Variants in MAD1L1 observed in about 807,000 individuals in gnomAD.
MAD1L1 encodes the protein mitotic spindle assembly checkpoint protein MAD1.
MAD1L1 carries 95 observed loss-of-function variants against 96.9 expected under a neutral mutation model. That is an observed-to-expected ratio of 0.98 (90% CI 0.83 to 1.16). The LOEUF is 1.16. Ranked by LOEUF, MAD1L1 falls within the 50% of genes most tolerant of loss-of-function variation. The probability of loss-of-function intolerance (pLI) is 0.00; values close to 1 mark genes in which losing one functional copy is unlikely to be tolerated. For missense variants in MAD1L1, 1,007 were observed against 954.4 expected (o/e 1.06, Z -0.73); for synonymous variants, 473 against 396.6 (o/e 1.19, Z -2.29).
intron 14 of MAD1L1, among the ~76,000 whole-genome samples, chr7:1,984,986 T>C (rs1395140474): frequency 6.6e-6 from 1 of 152,230 alleles, no homozygotes; most frequent in Non-Finnish European, 1.5e-5. Flanking sequence ...ACTTTCCTAC[T>C]AGACAGTACC....
intron 10 of MAD1L1, among the ~76,000 whole-genome samples, chr7:2,207,073 G>A (rs1489655713): frequency 4.5e-5 from 6 of 134,194 alleles, no homozygotes; most frequent in South Asian, 2.4e-4. Context: ...GTAAGATTCC[G>A]TCTCAAAAAA....
chr7:2,224,062 C>T (rs182065191), intron 4 of MAD1L1, among the ~76,000 whole-genome samples: 44 of 152,282 alleles, frequency 2.9e-4, no homozygotes, highest in Admixed American at 8.5e-4. Flanking sequence ...ACAATGACCC[C>T]TCCCTCAATC....
At chr7:1,974,503 A>G (rs1424700180) in intron 15 of MAD1L1, among the ~76,000 whole-genome samples, 2 of 152,216 alleles carry the variant, frequency 1.3e-5, no homozygotes, top group Non-Finnish European at 2.9e-5. Flanking sequence ...TTTATACATA[A>G]AAGAATCCTC....
intron 6 of MAD1L1, among the ~76,000 whole-genome samples, chr7:2,219,048 A>G (rs1004464147): frequency 6.6e-5 from 10 of 152,150 alleles, no homozygotes; most frequent in African/African-American, 2.2e-4. Flanking sequence ...CGACAGAGTG[A>G]GACCCTGTCT....
intron 12 of MAD1L1, among the ~76,000 whole-genome samples, chr7:2,018,827 C>A (rs1782656602): frequency 1.3e-5 from 2 of 152,114 alleles, no homozygotes; most frequent in Admixed American, 1.3e-4. Flanking sequence ...CCTCCCTCCG[C>A]CCCCTCCAGC....
At chr7:2,046,826 C>G (rs753658585) in intron 12 of MAD1L1, among the ~76,000 whole-genome samples, 6 of 152,188 alleles carry the variant, frequency 3.9e-5, no homozygotes, top group Admixed American at 2.0e-4. Flanking sequence ...CTTGCCCAGA[C>G]AGGAGCCTCA....
At chr7:2,210,414 C>CCATATT (rs1792857097) in intron 10 of MAD1L1, among the ~76,000 whole-genome samples, 3 of 144,654 alleles carry the variant, frequency 2.1e-5, no homozygotes, top group African/African-American at 7.4e-5. Flanking sequence ...ATTCTAGGAG[C>CCATATT]CGTATTCGGG....
chr7:2,133,338 C>T (rs897706618), intron 11 of MAD1L1, among the ~76,000 whole-genome samples: 4 of 150,086 alleles, frequency 2.7e-5, no homozygotes, highest in South Asian at 4.2e-4. Flanking sequence ...CCGTCACCCG[C>T]GTGTCTGCTT....
At chr7:2,185,900 C>G (rs1309514694) in intron 10 of MAD1L1, among the ~76,000 whole-genome samples, 2 of 152,218 alleles carry the variant, frequency 1.3e-5, no homozygotes, top group African/African-American at 4.8e-5. Flanking sequence ...TTTTCAGAGC[C>G]CTTGACCCCA....
chr7:1,980,510 T>G lies in MAD1L1; in HGVS notation c.1448A>C (p.Gln483Pro). 1 of 1,605,042 alleles carries G rather than the reference T, an allele frequency of 6.2e-7. No individual in the cohort carries two copies. Among genetic ancestry groups the G allele is most frequent in the Non-Finnish European group, 8.5e-7 (1 of 1,178,760 alleles). The change falls in exon 15 of 19, where the codon CAG (glutamine) becomes CCG (proline). Residue 483 changes from glutamine to proline, a missense_variant. Coordinates refer to ENST00000265854, the MANE Select transcript of MAD1L1 (RefSeq NM_001013836.2). Reference sequence around the variant, plus strand: ...GAAGCTCTGTTCGGCAGAGCTGGACTGAGACTTCAGCATCTTCAGCTCCAT... The same window carrying G: ...GAAGCTCTGTTCGGCAGAGCTGGACGGAGACTTCAGCATCTTCAGCTCCAT... ...LEMELKMLKS[Q>P]SSSAEQSFLF...
chr7:1,851,606 G>A (rs140251700), intron 18 of MAD1L1, among the ~76,000 whole-genome samples: 2 of 152,116 alleles, frequency 1.3e-5, no homozygotes, highest in African/African-American at 2.4e-5. Flanking sequence ...CAACCAAAAC[G>A]GTCCCAAGAA....
chr7:2,071,397 C>G (rs1785119810), intron 11 of MAD1L1, among the ~76,000 whole-genome samples: 1 of 152,242 alleles, frequency 6.6e-6, no homozygotes. Flanking sequence ...GTACTGGCGT[C>G]CAGGACGCGG....
rs575981377 is a variant in MAD1L1 at position 2,068,000 on chromosome 7, A to G, written c.1218+1194T>C. ...CACACACTAGCAGACACGGTGTGGAAGAGAAGGGAACACAGAGGAAGGTCG... is the reference window on the plus strand; with the variant it reads ...CACACACTAGCAGACACGGTGTGGAGGAGAAGGGAACACAGAGGAAGGTCG... On this transcript the variant is annotated intron_variant, in intron 12 of 18. Transcript: ENST00000265854. Among the ~76,000 whole-genome samples the G allele has an allele frequency of 4.9e-4, 75 of 152,370 alleles. 1 individual carries two copies. In the South Asian group the frequency reaches 0.016, roughly 32 times the overall value.
intron 12 of MAD1L1, among the ~76,000 whole-genome samples, chr7:2,016,191 G>A (rs993827693): frequency 5.9e-5 from 9 of 152,132 alleles, no homozygotes; most frequent in Non-Finnish European, 8.8e-5. Context: ...CCCGGGAAGC[G>A]GTCTCCACTG....
chr7:1,937,476 T>C (rs1778676187), intron 16 of MAD1L1, among the ~76,000 whole-genome samples: 1 of 151,330 alleles, frequency 6.6e-6, no homozygotes, highest in African/African-American at 2.4e-5. Flanking sequence ...GAGGGAGGAG[T>C]GCGCCTGGAG....
At chr7:1,945,341 G>C (rs1333156458) in intron 16 of MAD1L1, among the ~76,000 whole-genome samples, 4 of 152,270 alleles carry the variant, frequency 2.6e-5, no homozygotes, top group Non-Finnish European at 5.9e-5. Flanking sequence ...TGGAAGATGT[G>C]TTTGCTGAAT....
chr7:1,917,299 C>T (rs940578935), intron 17 of MAD1L1, among the ~76,000 whole-genome samples: 2 of 152,168 alleles, frequency 1.3e-5, no homozygotes, highest in Non-Finnish European at 2.9e-5. Flanking sequence ...GACCACCCAG[C>T]CCTGCACACG....
intron 10 of MAD1L1, among the ~76,000 whole-genome samples, chr7:2,171,484 G>C (rs1790701832): frequency 7.3e-6 from 1 of 136,984 alleles, no homozygotes; most frequent in Non-Finnish European, 1.5e-5. Flanking sequence ...GGACAGCAGA[G>C]AAGGACAGCA....
chr7:2,100,051 C>T (rs551415256), intron 11 of MAD1L1, among the ~76,000 whole-genome samples: 98 of 152,376 alleles, frequency 6.4e-4, no homozygotes, highest in African/African-American at 1.6e-3. Context: ...AGCCCAAAAC[C>T]GTCTCAGGGA....
Sources: allele counts gnomAD v4.1 joint callset (sites outside exome capture counted in the v4.1 genomes callset), GRCh38; gene constraint gnomAD v4.1.1; transcripts MANE v1.5; gene names NCBI Gene and HGNC (gene_info 2026-07-23, HGNC 2026-07-21).